Variants in OTOP1 observed in about 807,000 individuals in gnomAD.
The protein encoded by OTOP1 is otopetrin 1.
A neutral mutation model predicts 52.9 loss-of-function variants in OTOP1; 59 were observed. That is an observed-to-expected ratio of 1.12 (90% CI 0.91 to 1.39). The LOEUF (loss-of-function observed/expected upper bound fraction) is 1.39, where lower values mean the gene tolerates loss of function less well. Ranked by LOEUF, OTOP1 falls within the 40% of genes most tolerant of loss-of-function variation. The pLI, the probability that OTOP1 is intolerant of heterozygous loss-of-function variation, is 0.00. For missense variants in OTOP1, 761 were observed against 800.9 expected (o/e 0.95, Z 0.60); for synonymous variants, 317 against 337.7 (o/e 0.94, Z 0.67).
intron 1 of OTOP1, among the ~76,000 whole-genome samples, chr4:4,216,084 T>A (rs28595057): frequency 0.041 from 6,187 of 151,902 alleles, 414 homozygotes; most frequent in African/African-American, 0.14. Context: ...CAGGCATGAG[T>A]CACTGAGCCC....
chr4:4,201,467 T>TACACACACAC (rs374925758), intron 4 of OTOP1, among the ~76,000 whole-genome samples: 12,741 of 125,686 alleles, frequency 0.1, 724 homozygotes, highest in Non-Finnish European at 0.15. Context: ...TAAATATATA[T>TACACACACAC]ATATACACAC....
intron 4 of OTOP1, 104 bp downstream of exon 4, chr4:4,202,344 C>T (rs867909531): frequency 6.6e-7 from 1 of 1,526,110 alleles, no homozygotes; most frequent in Non-Finnish European, 9.0e-7. Flanking sequence ...GGTGGCCCTG[C>T]AGTTCTTTGG....
At chr4:4,199,245 A>C (rs149416316) in intron 4 of OTOP1, among the ~76,000 whole-genome samples, 1 of 64,552 alleles carries the variant, frequency 1.5e-5, no homozygotes, top group African/African-American at 5.7e-5. Flanking sequence ...AGAGAGAGAG[A>C]GAGAGAGAGA....
intron 4 of OTOP1, 49 bp from the exon 5 acceptor site, chr4:4,198,152 G>A: frequency 6.7e-7 from 1 of 1,502,600 alleles, no homozygotes; most frequent in Non-Finnish European, 9.2e-7. Context: ...CAGGTGCAAG[G>A]GGGAACAGAA....
intron 4 of OTOP1, among the ~76,000 whole-genome samples, chr4:4,201,213 G>A (rs1386669544): frequency 1.3e-5 from 2 of 152,106 alleles, no homozygotes; most frequent in Non-Finnish European, 2.9e-5. Context: ...TGGATCACAA[G>A]GCCAAGAGTT....
At chr4:4,226,176 C>T (rs1371656713) in intron 1 of OTOP1, among the ~76,000 whole-genome samples, 1 of 152,122 alleles carries the variant, frequency 6.6e-6, no homozygotes, top group African/African-American at 2.4e-5. Flanking sequence ...GTCAGTAGGG[C>T]CACTGCATGG....
chr4:4,219,350 T>A (rs1402359312), intron 1 of OTOP1, among the ~76,000 whole-genome samples: 1 of 152,072 alleles, frequency 6.6e-6, no homozygotes, highest in Non-Finnish European at 1.5e-5. Context: ...CGTATGGGAT[T>A]TAAAGTTAAT....
At chr4:4,222,396 C>T (rs1191401435) in intron 1 of OTOP1, among the ~76,000 whole-genome samples, 1 of 152,104 alleles carries the variant, frequency 6.6e-6, no homozygotes, top group East Asian at 1.9e-4. Flanking sequence ...CCGCATCCTT[C>T]TCTCTTCTGG....
chr4:4,205,008 G>A (rs1441657539), intron 3 of OTOP1, among the ~76,000 whole-genome samples: 4 of 152,076 alleles, frequency 2.6e-5, no homozygotes, highest in African/African-American at 9.7e-5. Context: ...TCCTGACTTC[G>A]TGATCCGCCC....
intron 1 of OTOP1, among the ~76,000 whole-genome samples, chr4:4,216,773 G>A (rs1717162418): frequency 6.6e-6 from 1 of 152,156 alleles, no homozygotes; most frequent in Admixed American, 6.5e-5. Flanking sequence ...AAGAGCACAG[G>A]CATGAAACTG....
At chr4:4,198,470 C>T (rs1716703490) in intron 4 of OTOP1, among the ~76,000 whole-genome samples, 1 of 152,148 alleles carries the variant, frequency 6.6e-6, no homozygotes, top group Non-Finnish European at 1.5e-5. Context: ...CAATGGTTAT[C>T]TCTGGGTGAA....
At chr4:4,193,094 C>T (rs1716548623) in intron 5 of OTOP1, among the ~76,000 whole-genome samples, 1 of 152,210 alleles carries the variant, frequency 6.6e-6, no homozygotes, top group Non-Finnish European at 1.5e-5. Context: ...TCCCGTCACT[C>T]TCAGTGTAGA....
intron 3 of OTOP1, among the ~76,000 whole-genome samples, chr4:4,205,865 C>T (rs1380897980): frequency 6.6e-6 from 1 of 152,128 alleles, no homozygotes; most frequent in Non-Finnish European, 1.5e-5. Context: ...AAAATTCAAG[C>T]CCACCCCATG....
chr4:4,218,825 A>G (rs1717208334), intron 1 of OTOP1, among the ~76,000 whole-genome samples: 1 of 152,086 alleles, frequency 6.6e-6, no homozygotes, highest in Admixed American at 6.5e-5. Context: ...GCTACTTAGG[A>G]GGCTGAGGCA....
At chr4:4,207,506 T>G (rs1716932310) in intron 2 of OTOP1, among the ~76,000 whole-genome samples, 1 of 152,176 alleles carries the variant, frequency 6.6e-6, no homozygotes, top group Non-Finnish European at 1.5e-5. Context: ...TCCCATTTTT[T>G]CTCAGTAATG....
At chr4:4,189,694 C>T (rs576682635) in intron 5 of OTOP1, among the ~76,000 whole-genome samples, 2 of 152,364 alleles carry the variant, frequency 1.3e-5, no homozygotes, top group East Asian at 3.8e-4. Flanking sequence ...ATCCCTCTTG[C>T]TCATCTTCTC....
At chr4:4,194,800 G>A (rs1362222126) in intron 5 of OTOP1, among the ~76,000 whole-genome samples, 2 of 152,182 alleles carry the variant, frequency 1.3e-5, no homozygotes, top group African/African-American at 4.8e-5. Context: ...CACCATCACT[G>A]CAGAGACTCA....
Position 4,197,534 on chromosome 4 carries a change from C to T in OTOP1, c.1300G>A (p.Val434Met), listed in dbSNP as rs11736799. 0.027 allele frequency: 43,117 copies of T among 1,613,984 alleles called. 735 individuals carry two copies. The highest frequency in any genetic ancestry group is 0.032 in the Non-Finnish European group (37,282 of 1,179,988). Residue 434 changes from valine to methionine, a missense_variant, in exon 5 of 6, where the codon GTG (valine) becomes ATG (methionine). Around this residue, in one of 3 missense-constraint regions of OTOP1, gnomAD observed 632 missense variants for 619.5 expected, o/e 1.02. Coordinates refer to ENST00000296358, the MANE Select transcript of OTOP1 (RefSeq NM_177998.3). ...YNLPYSILAI[V>M]EKYIQNLFIF... is the part of the protein sequence containing the mutation. The stretch of plus-strand genomic sequence containing the variant: ...AAGAGGTTCTGGATGTACTTCTCCA[C>T]GATCGCCAGGATGGAGTAGGGCAGG...
intron 1 of OTOP1, among the ~76,000 whole-genome samples, chr4:4,215,570 G>A (rs1183199186): frequency 6.6e-6 from 1 of 152,026 alleles, no homozygotes; most frequent in Non-Finnish European, 1.5e-5. Context: ...TGAGGCAGGA[G>A]AATCACTTGA....
Sources: allele counts gnomAD v4.1 joint callset (sites outside exome capture counted in the v4.1 genomes callset), GRCh38; gene constraint gnomAD v4.1.1; regional missense constraint gnomAD v4.1.1; transcripts MANE v1.5; gene names NCBI Gene and HGNC (gene_info 2026-07-23, HGNC 2026-07-21).